ADAMTSL3: variants seen among roughly 807,000 people sequenced by gnomAD.
ADAMTSL3 encodes the protein ADAMTS-like protein 3.
A neutral mutation model predicts 201.7 loss-of-function variants in ADAMTSL3; 128 were observed. That is an observed-to-expected ratio of 0.63 (90% CI 0.55 to 0.73). ADAMTSL3 has a LOEUF of 0.73. ADAMTSL3 is among the 30% of genes least tolerant of loss of function. The pLI is 0.00. For missense variants in ADAMTSL3, 1,990 were observed against 2,119.6 expected (o/e 0.94, Z 1.20); for synonymous variants, 738 against 748.4 (o/e 0.99, Z 0.23).
At chr15:83,863,278 C>G (rs1172220013) in intron 8 of ADAMTSL3, among the ~76,000 whole-genome samples, 3 of 152,182 alleles carry the variant, frequency 2.0e-5, no homozygotes, top group Non-Finnish European at 4.4e-5. Flanking sequence ...ACCTAATAGA[C>G]ATCTACCGAA....
rs998335306 is a variant in ADAMTSL3, at chr15:83,654,475, T to C, written c.-34+199T>C. On this transcript the variant is annotated intron_variant, in intron 1 of 29. Transcript: ENST00000286744. The surrounding 1 kb of genome is among the most constrained non-coding windows in gnomAD (Gnocchi z 5.3). ...GCTGGGCACCTCGGGTCGGGCGCGC[T>C]TCGTGCCGTCCCGGAAGGTTCAGGG... is the stretch of plus-strand genomic sequence containing the variant. 4.6e-5 allele frequency among the ~76,000 whole-genome samples: 7 copies of C among 151,956 alleles called. No individual in the cohort carries two copies. The highest frequency in any genetic ancestry group is 1.7e-4 in the African/African-American group (7 of 41,418).
At chr15:83,918,441 A>G (rs1488746148) in intron 16 of ADAMTSL3, among the ~76,000 whole-genome samples, 1 of 152,230 alleles carries the variant, frequency 6.6e-6, no homozygotes, top group East Asian at 1.9e-4. Flanking sequence ...ATATGGTGCT[A>G]TGAAAAGGGG....
chr15:83,928,784 A>G (rs994722369), intron 17 of ADAMTSL3, among the ~76,000 whole-genome samples: 7 of 152,370 alleles, frequency 4.6e-5, no homozygotes, highest in Non-Finnish European at 4.4e-5. Context: ...ACTTGATTTT[A>G]TAATTTTTAA....
intron 3 of ADAMTSL3, among the ~76,000 whole-genome samples, chr15:83,731,450 G>A (rs2062269871): frequency 6.6e-6 from 1 of 152,060 alleles, no homozygotes; most frequent in African/African-American, 2.4e-5. Context: ...CTTATATGCT[G>A]TTGGTGGGAA....
At position 83,892,906 on chromosome 15, in the gene ADAMTSL3, G is replaced by C; in HGVS notation, c.1467+18G>C. On this transcript the variant is annotated intron_variant, in intron 13 of 29. Transcript: ENST00000286744. The stretch of plus-strand genomic sequence containing the variant: ...GGTCTCAGGTAAGATTTGAGAATAT[G>C]CCACTTTTAATTAATTCTCATATTT... 1 of 1,600,840 alleles carries C rather than the reference G, an allele frequency of 6.2e-7. No individual in the cohort carries two copies. Among genetic ancestry groups the C allele is most frequent in the African/African-American group, 1.3e-5 (1 of 74,664 alleles).
At chr15:83,695,069 A>C (rs1360667245) in intron 2 of ADAMTSL3, among the ~76,000 whole-genome samples, 1 of 147,118 alleles carries the variant, frequency 6.8e-6, no homozygotes, top group South Asian at 2.3e-4. Flanking sequence ...TGGCGTGTGC[A>C]TGTATGTAGT....
intron 2 of ADAMTSL3, among the ~76,000 whole-genome samples, chr15:83,696,017 C>G (rs538020312): frequency 6.6e-6 from 1 of 152,196 alleles, no homozygotes; most frequent in African/African-American, 2.4e-5. Flanking sequence ...CTGTAAAGTC[C>G]CATGTGCCAT....
intron 2 of ADAMTSL3, among the ~76,000 whole-genome samples, chr15:83,676,017 CTTA>C (rs2061399921): frequency 6.6e-6 from 1 of 151,864 alleles, no homozygotes; most frequent in Admixed American, 6.6e-5. Flanking sequence ...TCTTTGTCAG[CTTA>C]TTGTTTTGTT....
chr15:83,899,808 G>T, intron 15 of ADAMTSL3, 77 bp downstream of exon 15: 1 of 1,518,590 alleles, frequency 6.6e-7, no homozygotes, highest in South Asian at 1.3e-5. Context: ...GTACTCATTG[G>T]AGTACAGTGA....
chr15:83,799,256 A>T (rs1320732671), intron 4 of ADAMTSL3, among the ~76,000 whole-genome samples: 3 of 152,180 alleles, frequency 2.0e-5, no homozygotes, highest in Non-Finnish European at 4.4e-5. Context: ...TTCCCTTTTT[A>T]TCAGTGTACT....
At chr15:83,964,760 G>A (rs967810436) in intron 19 of ADAMTSL3, among the ~76,000 whole-genome samples, 2 of 152,164 alleles carry the variant, frequency 1.3e-5, no homozygotes, top group African/African-American at 4.8e-5. Context: ...AAAATGTTAA[G>A]GGCAGCCAGA....
chr15:83,698,641 T>G (rs1481020705), intron 2 of ADAMTSL3, among the ~76,000 whole-genome samples: 10 of 144,130 alleles, frequency 6.9e-5, no homozygotes. Flanking sequence ...TGAGTCTTCC[T>G]GACATTTAGG....
chr15:83,959,758 T>C (rs1446059858), intron 19 of ADAMTSL3, among the ~76,000 whole-genome samples: 3 of 152,238 alleles, frequency 2.0e-5, no homozygotes, highest in Admixed American at 1.3e-4. Flanking sequence ...TGCTGCTTTG[T>C]GAATGATAAT....
intron 3 of ADAMTSL3, among the ~76,000 whole-genome samples, chr15:83,756,847 A>G (rs1229315683): frequency 6.6e-6 from 1 of 152,210 alleles, no homozygotes; most frequent in African/African-American, 2.4e-5. Flanking sequence ...GGCCCAAACA[A>G]AGGGGCTACA....
chr15:83,885,790 T>C (rs2065377033), intron 10 of ADAMTSL3, among the ~76,000 whole-genome samples: 1 of 152,052 alleles, frequency 6.6e-6, no homozygotes, highest in African/African-American at 2.4e-5. Context: ...CGTGGCCAAA[T>C]CTCGGCTCGC....
At position 84,037,937 on chromosome 15, in the gene ADAMTSL3, C is replaced by T. The variant is rs1002770667; in HGVS notation, c.*131C>T. ...TCTATGGATCAAACAGAGGTTGATG[C>T]AAAAACACCACTGTTAAGGTGTAAA... On this transcript the variant is annotated 3_prime_UTR_variant, in exon 30 of 30. Transcript: ENST00000286744. 15 of 1,317,020 alleles carry T rather than the reference C, an allele frequency of 1.1e-5. No individual in the cohort carries two copies. The Middle Eastern group carries it at 1.3e-3, about 117-fold the overall frequency. 81.6% of individuals were successfully genotyped at this position (1,317,020 alleles called of 1,614,324 possible).
chr15:83,740,103 A>T, intron 3 of ADAMTSL3: 2 of 286,316 alleles, frequency 7.0e-6, no homozygotes, highest in South Asian at 4.9e-5. Flanking sequence ...GCCGGTGGCC[A>T]CTTACACCAT....
intron 2 of ADAMTSL3, among the ~76,000 whole-genome samples, chr15:83,702,071 A>G (rs1284904408): frequency 6.6e-6 from 1 of 152,156 alleles, no homozygotes; most frequent in Non-Finnish European, 1.5e-5. Context: ...CTTCTTGGGA[A>G]CTGGAGCAAA....
At position 83,982,254 on chromosome 15, in the gene ADAMTSL3, C is replaced by CTTTTTTTTTTTTTTTTTTTT; in HGVS notation, c.2645-8_2645-7insTTTTTTTTTTTTTTTTTTTT. ...TGTTTATTCGTATTTTCTTTTCTTT[C>CTTTTTTTTTTTTTTTTTTTT]TTTTTTTTTTTCTTGGAGAAATCAA... On this transcript the variant is annotated intron_variant, in intron 20 of 29. Transcript: ENST00000286744. 8.6e-7 allele frequency: 1 copy of CTTTTTTTTTTTTTTTTTTTT among 1,165,414 alleles called. No homozygotes were observed. The allele number at this position is 1,165,414 out of a possible 1,614,324, so 72.2% of individuals were successfully genotyped here.
Sources: allele counts gnomAD v4.1 joint callset (sites outside exome capture counted in the v4.1 genomes callset), GRCh38; gene constraint gnomAD v4.1.1; non-coding constraint Gnocchi (gnomAD v3.1); transcripts MANE v1.5; gene names NCBI Gene and HGNC (gene_info 2026-07-23, HGNC 2026-07-21).